DLGAP2: variants seen among roughly 807,000 people sequenced by gnomAD.
DLGAP2 encodes disks large-associated protein 2.
Under a neutral mutation model 100.3 loss-of-function variants are expected in DLGAP2, and 26 were observed. The ratio of observed to expected loss-of-function variants is 0.26; its 90% CI spans 0.19 to 0.36. DLGAP2 has a LOEUF of 0.36. Ranked by LOEUF, DLGAP2 falls within the 10% of genes least tolerant of loss-of-function variation. DLGAP2 has a pLI of 1.00. For synonymous variants in DLGAP2, 886 were observed against 630.1 expected (o/e 1.41, Z -6.08); for missense variants, 1,858 against 1,453.2 (o/e 1.28, Z -4.53).
chr8:1,103,194 G>T (rs1022518782), intron 2 of DLGAP2, among the ~76,000 whole-genome samples: 7 of 152,190 alleles, frequency 4.6e-5, no homozygotes, highest in Non-Finnish European at 8.8e-5. Context: ...TATCTGCCCT[G>T]TGTGTGTATC....
chr8:814,514 C>T (rs952175386), intron 1 of DLGAP2, among the ~76,000 whole-genome samples: 10 of 152,096 alleles, frequency 6.6e-5, no homozygotes, highest in Non-Finnish European at 7.4e-5. Flanking sequence ...GACCCTGATT[C>T]GGATCCCATA....
chr8:1,534,896 T>G (rs1801106003), intron 4 of DLGAP2, among the ~76,000 whole-genome samples: 1 of 152,272 alleles, frequency 6.6e-6, no homozygotes, highest in South Asian at 2.1e-4. Context: ...TTATAAGAGT[T>G]AATGAAATCC....
chr8:820,191 C>G (rs1204962580), intron 1 of DLGAP2, among the ~76,000 whole-genome samples: 3 of 152,080 alleles, frequency 2.0e-5, no homozygotes, highest in Non-Finnish European at 4.4e-5. Context: ...TTCCATCTCA[C>G]AACACAACAA....
In DLGAP2 at chr8:949,762, T is replaced by C. The variant is rs528390240; in HGVS notation, c.73+41796T>C. 3.4e-4 allele frequency among the ~76,000 whole-genome samples: 52 copies of C among 152,144 alleles called. 2 individuals carry two copies. The highest frequency in any genetic ancestry group is 4.1e-4 in the Non-Finnish European group (28 of 68,000). The stretch of plus-strand genomic sequence containing the variant: ...TCTGCTGTCAGGAACGGGCAGAGAG[T>C]AGAGCTAAGAGGCTTTTGTGGGGGC... On this transcript the variant is annotated intron_variant, in intron 2 of 14. Coordinates refer to ENST00000637795, the MANE Select transcript of DLGAP2 (RefSeq NM_001346810.2).
intron 5 of DLGAP2, among the ~76,000 whole-genome samples, chr8:1,557,295 A>G (rs1246690554): frequency 6.6e-6 from 1 of 152,124 alleles, no homozygotes; most frequent in East Asian, 1.9e-4. Context: ...GGGGCTCACA[A>G]TAGGGGCTTT....
chr8:928,751 A>T (rs1798875058), intron 2 of DLGAP2, among the ~76,000 whole-genome samples: 1 of 152,076 alleles, frequency 6.6e-6, no homozygotes, highest in African/African-American at 2.4e-5. Context: ...CCCTCGATGC[A>T]GGAAGAACCA....
intron 3 of DLGAP2, among the ~76,000 whole-genome samples, chr8:1,417,443 C>A (rs1479893081): frequency 6.6e-6 from 1 of 152,204 alleles, no homozygotes; most frequent in Non-Finnish European, 1.5e-5. Context: ...TCTCTGACTT[C>A]AGCTCTTTGT....
intron 6 of DLGAP2, among the ~76,000 whole-genome samples, chr8:1,613,727 C>G (rs1440934209): frequency 1.3e-5 from 2 of 152,050 alleles, no homozygotes; most frequent in Admixed American, 6.5e-5. Context: ...CAGTAAAGCC[C>G]TTTTTCGAGA....
rs1019661417 is a variant in DLGAP2, at chr8:1,539,709, A to G, written c.173-8917A>G. 7.9e-5 allele frequency among the ~76,000 whole-genome samples: 12 copies of G among 152,170 alleles called. No individual in the cohort carries two copies. In the East Asian group the frequency reaches 2.3e-3, roughly 29 times the overall value. ...ACTTTCCTGTTTGGAGGATGCCGAC[A>G]GCGAGACCTGCCCACATTGCATCGC... On this transcript the variant is annotated intron_variant, in intron 4 of 14. Coordinates refer to ENST00000637795, the MANE Select transcript of DLGAP2 (RefSeq NM_001346810.2).
intron 1 of DLGAP2, among the ~76,000 whole-genome samples, chr8:861,453 G>A (rs1391787643): frequency 6.6e-6 from 1 of 152,132 alleles, no homozygotes; most frequent in African/African-American, 2.4e-5. Flanking sequence ...ATCTGCTCTG[G>A]CCATTTAACA....
At chr8:1,352,459 T>A (rs1801758268) in intron 3 of DLGAP2, among the ~76,000 whole-genome samples, 1 of 152,138 alleles carries the variant, frequency 6.6e-6, no homozygotes, top group African/African-American at 2.4e-5. Flanking sequence ...CACCGCTGGG[T>A]CTCAGCTCTT....
intron 3 of DLGAP2, among the ~76,000 whole-genome samples, chr8:1,389,516 G>A (rs1397234112): frequency 6.6e-6 from 1 of 152,188 alleles, no homozygotes; most frequent in Non-Finnish European, 1.5e-5. Context: ...GCTGGAAGAG[G>A]TGTGGACGAG....
intron 13 of DLGAP2, among the ~76,000 whole-genome samples, chr8:1,694,136 A>C (rs1480856870): frequency 6.6e-6 from 1 of 152,196 alleles, no homozygotes; most frequent in Non-Finnish European, 1.5e-5. Context: ...TTGAGTTTTA[A>C]AATAGCTGGC....
intron 3 of DLGAP2, among the ~76,000 whole-genome samples, chr8:1,495,111 C>A (rs546480367): frequency 2.0e-5 from 3 of 152,316 alleles, no homozygotes; most frequent in African/African-American, 7.2e-5. Flanking sequence ...TTGGTGCCCT[C>A]CCTTCCCTGC....
intron 3 of DLGAP2, among the ~76,000 whole-genome samples, chr8:1,288,893 G>T (rs1217221433): frequency 1.3e-5 from 2 of 152,124 alleles, no homozygotes; most frequent in African/African-American, 2.4e-5. Flanking sequence ...AATGAATTCA[G>T]TTGCTCGGCT....
intron 5 of DLGAP2, among the ~76,000 whole-genome samples, chr8:1,557,329 T>G (rs1801999574): frequency 6.6e-6 from 1 of 152,038 alleles, no homozygotes. Flanking sequence ...TGGCTATAAC[T>G]GTGCCTGCCT....
At chr8:1,505,266 A>G (rs916391552) in intron 4 of DLGAP2, among the ~76,000 whole-genome samples, 2 of 152,272 alleles carry the variant, frequency 1.3e-5, no homozygotes, top group Admixed American at 6.5e-5. Flanking sequence ...TGATGCTATT[A>G]TAGTGAATGA....
At position 1,450,395 on chromosome 8, in the gene DLGAP2, CGGCCTCGGTGGCTG is replaced by C. The variant is rs1798115816; in HGVS notation, c.107-50970_107-50957del. Among the ~76,000 whole-genome samples the C allele has an allele frequency of 2.5e-5, 3 of 120,364 alleles. 1 individual carries two copies. 79.0% of individuals were successfully genotyped at this position (120,364 alleles called of 152,430 possible). ...GCTGTGAGGGTGAAGATGAGGTGGG[CGGCCTCGGTGGCTG>C]AGGCTGAGCTGTGAGGGTGAAGACG... On this transcript the variant is annotated intron_variant, in intron 3 of 14. Coordinates refer to ENST00000637795, the MANE Select transcript of DLGAP2 (RefSeq NM_001346810.2).
chr8:1,199,164 G>A (rs777679490), intron 2 of DLGAP2, among the ~76,000 whole-genome samples: 3 of 152,204 alleles, frequency 2.0e-5, no homozygotes, highest in African/African-American at 4.8e-5. Context: ...CTGAATTACT[G>A]AAGAGAATTC....
Sources: allele counts gnomAD v4.1 joint callset (sites outside exome capture counted in the v4.1 genomes callset), GRCh38; gene constraint gnomAD v4.1.1; transcripts MANE v1.5; gene names NCBI Gene and HGNC (gene_info 2026-07-23, HGNC 2026-07-21).